The following ZMAT4 variants were observed in gnomAD, a reference collection of about 807,000 sequenced individuals.
ZMAT4 encodes the protein zinc finger matrin-type 4, also known as zinc finger matrin-type protein 4.
Under a neutral mutation model 28.7 loss-of-function variants are expected in ZMAT4, and 17 were observed. The observed-to-expected ratio is 0.59, with a 90% CI of 0.41 to 0.89. ZMAT4 has a LOEUF of 0.89. Ranked by LOEUF, ZMAT4 falls within the 40% of genes least tolerant of loss-of-function variation. The pLI is 0.00. For missense variants in ZMAT4, 240 were observed against 283.8 expected (o/e 0.85, Z 1.11); for synonymous variants, 117 against 109.2 (o/e 1.07, Z -0.44).
At chr8:40,858,679 G>A (rs1301979780) in intron 1 of ZMAT4, among the ~76,000 whole-genome samples, 1 of 152,056 alleles carries the variant, frequency 6.6e-6, no homozygotes, top group Non-Finnish European at 1.5e-5. Context: ...CATACCCCTC[G>A]GTTCACAGGG....
At chr8:40,845,698 G>T (rs1816861687) in intron 1 of ZMAT4, among the ~76,000 whole-genome samples, 1 of 144,532 alleles carries the variant, frequency 6.9e-6, no homozygotes, top group African/African-American at 2.6e-5. Context: ...GCTGTCCCAA[G>T]GAATTGCAAA....
chr8:40,843,341 A>G (rs953989858), intron 1 of ZMAT4, among the ~76,000 whole-genome samples: 3 of 152,118 alleles, frequency 2.0e-5, no homozygotes, highest in Non-Finnish European at 4.4e-5. Context: ...CAGATGTACA[A>G]CTGACCAAGA....
At chr8:40,666,573 A>G (rs1406418099) in intron 5 of ZMAT4, among the ~76,000 whole-genome samples, 1 of 152,212 alleles carries the variant, frequency 6.6e-6, no homozygotes, top group Non-Finnish European at 1.5e-5. Flanking sequence ...GCACTATTAA[A>G]GTATATACTA....
chr8:40,622,717 G>C (rs933325671), intron 5 of ZMAT4, among the ~76,000 whole-genome samples: 4 of 152,324 alleles, frequency 2.6e-5, no homozygotes, highest in African/African-American at 9.6e-5. Flanking sequence ...AGGAAGGGGA[G>C]CTGGTGTGTC....
intron 5 of ZMAT4, among the ~76,000 whole-genome samples, chr8:40,585,230 C>T (rs1315716971): frequency 1.3e-5 from 2 of 152,056 alleles, no homozygotes; most frequent in Non-Finnish European, 2.9e-5. Context: ...AACAATGAAA[C>T]CACAAATATC....
intron 1 of ZMAT4, among the ~76,000 whole-genome samples, chr8:40,894,891 C>T (rs560885723): frequency 2.8e-4 from 42 of 152,310 alleles, no homozygotes; most frequent in African/African-American, 9.6e-4. Flanking sequence ...GGCAAAAAGG[C>T]TCTTCTCTGA....
intron 1 of ZMAT4, among the ~76,000 whole-genome samples, chr8:40,846,782 C>A (rs1816915469): frequency 6.6e-6 from 1 of 152,166 alleles, no homozygotes; most frequent in South Asian, 2.1e-4. Flanking sequence ...GAGCTGCTAC[C>A]GTCCGTTCCA....
At chr8:40,873,712 G>A (rs1011871157) in intron 1 of ZMAT4, among the ~76,000 whole-genome samples, 1 of 152,188 alleles carries the variant, frequency 6.6e-6, no homozygotes, top group African/African-American at 2.4e-5. Context: ...GTCAAACAAG[G>A]TCACCCCACA....
chr8:40,662,766 A>G (rs763688372), intron 5 of ZMAT4, among the ~76,000 whole-genome samples: 1 of 152,100 alleles, frequency 6.6e-6, no homozygotes, highest in African/African-American at 2.4e-5. Flanking sequence ...TGTTTTTCCT[A>G]TTGGAGTTCC....
intron 2 of ZMAT4, among the ~76,000 whole-genome samples, chr8:40,790,198 C>A (rs1450633523): frequency 2.6e-5 from 4 of 152,096 alleles, no homozygotes; most frequent in African/African-American, 7.2e-5. Flanking sequence ...TCATTTATTT[C>A]CACAAAATAA....
At chr8:40,549,853 T>A (rs1803314317) in intron 6 of ZMAT4, among the ~76,000 whole-genome samples, 1 of 152,202 alleles carries the variant, frequency 6.6e-6, no homozygotes, top group Non-Finnish European at 1.5e-5. Flanking sequence ...ACTGATCATA[T>A]CAGAGTCTAA....
chr8:40,683,843 T>A (rs1434804456), intron 4 of ZMAT4, among the ~76,000 whole-genome samples: 1 of 152,012 alleles, frequency 6.6e-6, no homozygotes, highest in East Asian at 1.9e-4. Flanking sequence ...AATGGGTGGA[T>A]CACTAAAGCC....
intron 2 of ZMAT4, among the ~76,000 whole-genome samples, chr8:40,780,186 A>C (rs375104440): frequency 8.5e-5 from 13 of 152,112 alleles, no homozygotes; most frequent in South Asian, 2.1e-4. Context: ...GCATCACCTA[A>C]ATCGAAATGC....
intron 5 of ZMAT4, among the ~76,000 whole-genome samples, chr8:40,644,156 T>C (rs1406491704): frequency 6.6e-6 from 1 of 152,124 alleles, no homozygotes; most frequent in Non-Finnish European, 1.5e-5. Flanking sequence ...CTTAAAGGTA[T>C]AGATGCCATT....
At chr8:40,655,369 C>T (rs1322183029) in intron 5 of ZMAT4, among the ~76,000 whole-genome samples, 2 of 151,818 alleles carry the variant, frequency 1.3e-5, no homozygotes, top group Non-Finnish European at 2.9e-5. Context: ...GCTGAAATGG[C>T]AATATTCCTC....
intron 2 of ZMAT4, among the ~76,000 whole-genome samples, chr8:40,777,463 T>C (rs981926295): frequency 2.0e-5 from 3 of 152,224 alleles, no homozygotes; most frequent in African/African-American, 7.2e-5. Context: ...AGAGCCCTTT[T>C]CCTGTTGCCC....
At chr8:40,725,832 T>C (rs1811295725) in intron 3 of ZMAT4, among the ~76,000 whole-genome samples, 1 of 151,850 alleles carries the variant, frequency 6.6e-6, no homozygotes, top group African/African-American at 2.4e-5. Context: ...AGAGACAGCA[T>C]TGCATTTAAA....
chr8:40,684,458 A>C (rs575320475), intron 4 of ZMAT4, among the ~76,000 whole-genome samples: 1 of 152,264 alleles, frequency 6.6e-6, no homozygotes, highest in East Asian at 1.9e-4. Context: ...AGCTGGAGGC[A>C]CCCCCTGGAT....
At chr8:40,810,891 A>G (rs970636633) in intron 2 of ZMAT4, among the ~76,000 whole-genome samples, 1 of 152,234 alleles carries the variant, frequency 6.6e-6, no homozygotes, top group Non-Finnish European at 1.5e-5. Context: ...TCATTTAAAA[A>G]TGAAATCATT....
Sources: allele counts gnomAD v4.1 joint callset (sites outside exome capture counted in the v4.1 genomes callset), GRCh38; gene constraint gnomAD v4.1.1; transcripts MANE v1.5; gene names NCBI Gene and HGNC (gene_info 2026-07-23, HGNC 2026-07-21).